The following HEATR9 variants were observed in gnomAD, a reference collection of about 807,000 sequenced individuals.
HEATR9 encodes protein HEATR9.
Under a neutral mutation model 68.2 loss-of-function variants are expected in HEATR9, and 54 were observed. The ratio of observed to expected loss-of-function variants is 0.79; its 90% CI spans 0.64 to 0.99. The LOEUF (loss-of-function observed/expected upper bound fraction) is 0.99, where lower values mean the gene tolerates loss of function less well. Ranked by LOEUF, HEATR9 falls within the 50% of genes least tolerant of loss-of-function variation. HEATR9 has a pLI of 0.00. For synonymous variants in HEATR9, 241 were observed against 253.5 expected, an observed-to-expected ratio of 0.95 and a Z score of 0.47; for missense variants, 662 against 679.7, an observed-to-expected ratio of 0.97 and a Z score of 0.29.
chr17:35,864,222 A>G (rs1239179279), intron 6 of HEATR9, 24 bp downstream of exon 6: 1 of 1,593,240 alleles, frequency 6.3e-7, no homozygotes, highest in South Asian at 1.1e-5. Context: ...TTCTTTCCTG[A>G]ACTCCAGCAG....
intron 2 of HEATR9, among the ~76,000 whole-genome samples, chr17:35,866,389 G>A (rs1480891774): frequency 3.3e-5 from 5 of 152,206 alleles, no homozygotes; most frequent in Non-Finnish European, 7.3e-5. Context: ...TGGGCATTCT[G>A]TATTTCATCT....
In HEATR9 at chr17:35,866,798, G is replaced by A. The variant is rs1202931919; in HGVS notation, c.89-25C>T. On this transcript the variant is annotated intron_variant, in intron 1 of 14. Transcript: ENST00000604834. ...TCTGGCAAGAGGGATAAGAGTATGT[G>A]TGTGGTTCAAATGAGATAGCAGTTG... The A allele has an allele frequency of 4.3e-6, 7 of 1,611,912 alleles. No homozygotes were observed. In the South Asian group the frequency reaches 4.4e-5, roughly 10 times the overall value.
At chr17:35,864,395 A>G in intron 5 of HEATR9, 93 bp from the exon 6 acceptor site, 1 of 1,534,848 alleles carries the variant, frequency 6.5e-7, no homozygotes, top group Non-Finnish European at 9.0e-7. Context: ...TTGTGCTTGG[A>G]ATACCATCCC....
intron 1 of HEATR9, among the ~76,000 whole-genome samples, chr17:35,867,044 G>A (rs1336804666): frequency 6.6e-6 from 1 of 151,768 alleles, no homozygotes. Context: ...GAGGTCAGGA[G>A]ATTGGGACCA....
chr17:35,858,260 C>T lies in HEATR9; in HGVS notation c.1092G>A (p.Gln364=), dbSNP rs1260527284. ...GGTTAAATGTGAGTTCCTCTAGCCC[C>T]TGTGCCTGGATCTGTTCCAGCCCAA... ...KTIGLEQIQA[Q]GLEELTFNLL... Residue 364 remains glutamine (Q), a synonymous_variant, in exon 11 of 15, where the codon CAG becomes CAA. Transcript: ENST00000604834. 6 of 1,614,054 alleles carry T rather than the reference C, an allele frequency of 3.7e-6. No individual in the cohort carries two copies. In the African/African-American group the frequency reaches 8.0e-5, roughly 22 times the overall value.
chr17:35,868,514 T>A, intron 1 of HEATR9, 141 bp downstream of exon 1: 2 of 1,449,248 alleles, frequency 1.4e-6, no homozygotes, highest in Non-Finnish European at 1.8e-6. Context: ...TGCAGAGCCA[T>A]CAAAGTGTCC....
intron 4 of HEATR9, 21 bp downstream of exon 4, chr17:35,864,737 C>T (rs1213083628): frequency 6.2e-7 from 1 of 1,613,464 alleles, no homozygotes; most frequent in African/African-American, 1.3e-5. Context: ...TCCCCCACGT[C>T]CTCTCCCACA....
chr17:35,864,589 G>C, intron 4 of HEATR9, 36 bp from the exon 5 acceptor site: 1 of 1,598,530 alleles, frequency 6.3e-7, no homozygotes, highest in Non-Finnish European at 8.5e-7. Flanking sequence ...AAGGAAGACA[G>C]AGAAAAATAA....
Position 35,865,197 on chromosome 17 carries a change from G to C in HEATR9, c.320+18C>G. 2 of 1,608,558 alleles carry C rather than the reference G, an allele frequency of 1.2e-6. No homozygotes were observed. The highest frequency in any genetic ancestry group is 1.7e-6 in the Non-Finnish European group (2 of 1,177,246). Reference sequence around the variant, plus strand: ...AGATGTGGAGGGTGAGAAGAATATGGAGGCCAGCAAAACACACCTACAGTC... The same window carrying C: ...AGATGTGGAGGGTGAGAAGAATATGCAGGCCAGCAAAACACACCTACAGTC... On this transcript the variant is annotated intron_variant, in intron 3 of 14. Coordinates refer to ENST00000604834, the MANE Select transcript of HEATR9 (RefSeq NM_152781.4).
intron 2 of HEATR9, 148 bp from the exon 3 acceptor site, chr17:35,865,544 C>T: frequency 1.7e-6 from 1 of 605,906 alleles, no homozygotes; most frequent in Non-Finnish European, 2.9e-6. Context: ...CAGCTACCAC[C>T]TAACCCCTTG....
rs925595276 is a variant in HEATR9, at chr17:35,865,414, C to T, written c.139-18G>A. 6.2e-7 allele frequency: 1 copy of T among 1,608,120 alleles called. No homozygotes were observed. Among genetic ancestry groups the T allele is most frequent in the African/African-American group, 1.3e-5 (1 of 74,830 alleles). On this transcript the variant is annotated intron_variant, in intron 2 of 14. Transcript: ENST00000604834. ...TTTGGCATCTGGGGGTTGCAAGTGG[C>T]AGAACAGTCAGAGGGGTCCCCTAGG...
intron 11 of HEATR9, 60 bp from the exon 12 acceptor site, chr17:35,856,865 G>A: frequency 1.4e-6 from 2 of 1,415,440 alleles, no homozygotes; most frequent in South Asian, 2.4e-5. Flanking sequence ...ACACTTAAGA[G>A]CCTCTCAAAT....
intron 8 of HEATR9, chr17:35,861,413 T>C: frequency 6.2e-7 from 1 of 1,609,152 alleles, no homozygotes; most frequent in South Asian, 1.1e-5. Context: ...AATGCTTTGG[T>C]CCACCTAACT....
chr17:35,858,151 A>G (rs774096971), intron 11 of HEATR9, 49 bp downstream of exon 11: 18 of 1,612,432 alleles, frequency 1.1e-5, no homozygotes, highest in South Asian at 2.2e-5. Flanking sequence ...AACACGGAAA[A>G]GAGAAAGGTT....
intron 8 of HEATR9, chr17:35,861,471 A>C (rs2087989768): frequency 1.4e-6 from 2 of 1,479,212 alleles, no homozygotes; most frequent in South Asian, 2.3e-5. Flanking sequence ...ACTTAGATTT[A>C]CAAAATCTGA....
intron 8 of HEATR9, 184 bp downstream of exon 8, chr17:35,862,811 G>C: frequency 2.6e-6 from 2 of 766,286 alleles, no homozygotes; most frequent in Non-Finnish European, 4.1e-6. Flanking sequence ...TGGCTTTTCA[G>C]AAATGGACTA....
chr17:35,855,511 G>T (rs2087739855), intron 14 of HEATR9, 101 bp from the exon 15 acceptor site: 3 of 1,328,284 alleles, frequency 2.3e-6, no homozygotes, highest in Non-Finnish European at 2.1e-6. Context: ...TAGCCACAGG[G>T]CACTGTGGCC....
At chr17:35,857,682 C>A (rs2087824390) in intron 11 of HEATR9, among the ~76,000 whole-genome samples, 1 of 151,942 alleles carries the variant, frequency 6.6e-6, no homozygotes. Flanking sequence ...TGGCGTGAAC[C>A]CAGGAGGCAG....
chr17:35,865,043 G>T (rs993457098), intron 3 of HEATR9, among the ~76,000 whole-genome samples, 153 bp from the exon 4 acceptor site: 2 of 148,928 alleles, frequency 1.3e-5, no homozygotes, highest in Non-Finnish European at 2.9e-5. Flanking sequence ...GAGCCGAGCC[G>T]AGCCGAGCCG....
Sources: allele counts gnomAD v4.1 joint callset (sites outside exome capture counted in the v4.1 genomes callset), GRCh38; gene constraint gnomAD v4.1.1; transcripts MANE v1.5; gene names NCBI Gene and HGNC (gene_info 2026-07-23, HGNC 2026-07-21).